Variants in CHST9 observed in about 807,000 individuals in gnomAD.
CHST9 encodes the protein carbohydrate sulfotransferase 9, also known as GalNAc-4-sulfotransferase 2.
Under a neutral mutation model 44.4 loss-of-function variants are expected in CHST9, and 41 were observed. The observed-to-expected ratio is 0.92, with a 90% CI of 0.72 to 1.20. The LOEUF (loss-of-function observed/expected upper bound fraction) is 1.20. Among genes scored for constraint, CHST9 ranks in the 50% most tolerant of loss-of-function variants. The pLI is 0.00. For synonymous variants in CHST9, 171 were observed against 178.4 expected (o/e 0.96, Z 0.33); for missense variants, 504 against 516.5 (o/e 0.98, Z 0.23).
At chr18:27,027,026 A>T (rs1013633510) in intron 3 of CHST9, among the ~76,000 whole-genome samples, 2 of 152,204 alleles carry the variant, frequency 1.3e-5, no homozygotes. Context: ...TAATTTTTTT[A>T]AAAATTAGCA....
At chr18:27,140,191 C>T (rs1417210303) in intron 2 of CHST9, among the ~76,000 whole-genome samples, 2 of 152,180 alleles carry the variant, frequency 1.3e-5, no homozygotes, top group Non-Finnish European at 2.9e-5. Flanking sequence ...CGTAGCAGTA[C>T]AACCTGGGTT....
intron 3 of CHST9, among the ~76,000 whole-genome samples, chr18:27,042,530 C>A (rs1018757287): frequency 1.3e-5 from 2 of 152,070 alleles, no homozygotes; most frequent in Admixed American, 6.6e-5. Flanking sequence ...TATAAGCTGG[C>A]TCCAGCAAGC....
At chr18:27,047,712 A>G (rs7505854) in intron 3 of CHST9, among the ~76,000 whole-genome samples, 58,003 of 151,872 alleles carry the variant, frequency 0.38, 11,780 homozygotes, top group Non-Finnish European at 0.47. Flanking sequence ...TATCACAGGA[A>G]TAGTGGGTTG....
Position 26,917,159 on chromosome 18 carries a change from G to C in CHST9, c.432C>G (p.Asn144Lys). Residue 144 changes from asparagine to lysine, a missense_variant, in exon 6 of 6, where the codon AAC becomes AAG. Physicochemically the swap from Asn to Lys is moderately conservative, Grantham distance 94. Coordinates refer to ENST00000618847, the MANE Select transcript of CHST9 (RefSeq NM_031422.6). ...CTGGCCAATTCATGTTGCTGAACTTGTTAAAAACAGTCTTAGCTCCTTGAC... is the reference window on the plus strand; with the variant it reads ...CTGGCCAATTCATGTTGCTGAACTTCTTAAAAACAGTCTTAGCTCCTTGAC... Reference protein sequence around the residue: ...EKRQGAKTVFNKFSNMNWPVD... With the variant: ...EKRQGAKTVFKKFSNMNWPVD... 1 of 1,613,896 alleles carries C rather than the reference G, an allele frequency of 6.2e-7. No individual in the cohort carries two copies. Among genetic ancestry groups the C allele is most frequent in the Non-Finnish European group, 8.5e-7 (1 of 1,179,862 alleles).
chr18:27,120,223 A>C (rs1203042411), intron 2 of CHST9, among the ~76,000 whole-genome samples: 1 of 152,176 alleles, frequency 6.6e-6, no homozygotes, highest in African/African-American at 2.4e-5. Flanking sequence ...ATTACGAGTA[A>C]ATTTTTGATA....
chr18:27,026,209 G>T (rs779484577), intron 3 of CHST9, among the ~76,000 whole-genome samples: 8 of 152,136 alleles, frequency 5.3e-5, no homozygotes, highest in Non-Finnish European at 1.2e-4. Context: ...TACAATGAGA[G>T]TACACTCAGG....
At chr18:27,145,672 A>C (rs996870508) in intron 1 of CHST9, among the ~76,000 whole-genome samples, 1 of 151,346 alleles carries the variant, frequency 6.6e-6, no homozygotes, top group African/African-American at 2.4e-5. Flanking sequence ...GGTAGTAAAG[A>C]AAGTTTTTAA....
chr18:27,143,459 A>G (rs927985048), intron 1 of CHST9, among the ~76,000 whole-genome samples: 31 of 152,176 alleles, frequency 2.0e-4, no homozygotes, highest in African/African-American at 7.2e-4. Context: ...CCCCTCCCAC[A>G]ATAACATGAA....
chr18:27,100,340 T>C (rs907885453), intron 2 of CHST9, among the ~76,000 whole-genome samples: 1 of 152,164 alleles, frequency 6.6e-6, no homozygotes, highest in African/African-American at 2.4e-5. Context: ...GGATCATTTA[T>C]ACCTCAAACC....
At chr18:26,928,636 G>A (rs1182252670) in intron 5 of CHST9, among the ~76,000 whole-genome samples, 1 of 152,152 alleles carries the variant, frequency 6.6e-6, no homozygotes, top group Non-Finnish European at 1.5e-5. Context: ...AGAATATAGG[G>A]TGGATTATTG....
intron 2 of CHST9, among the ~76,000 whole-genome samples, chr18:27,065,876 T>C (rs2057777070): frequency 6.6e-6 from 1 of 152,202 alleles, no homozygotes. Flanking sequence ...TATAGTGCCA[T>C]GTGAGGGTGG....
intron 2 of CHST9, among the ~76,000 whole-genome samples, chr18:27,090,856 T>G (rs939875875): frequency 7.9e-5 from 12 of 152,152 alleles, no homozygotes; most frequent in Non-Finnish European, 1.2e-4. Context: ...TAGTCTTGTA[T>G]TATAGTTTGA....
At chr18:27,132,822 G>T (rs2058483215) in intron 2 of CHST9, among the ~76,000 whole-genome samples, 1 of 152,168 alleles carries the variant, frequency 6.6e-6, no homozygotes, top group South Asian at 2.1e-4. Flanking sequence ...AATGGATCAA[G>T]GGACCCCAAC....
chr18:27,008,094 C>T (rs1231064855), intron 4 of CHST9, among the ~76,000 whole-genome samples: 3 of 152,138 alleles, frequency 2.0e-5, no homozygotes, highest in Non-Finnish European at 2.9e-5. Flanking sequence ...GGAGGGACGA[C>T]TCACCACTGA....
chr18:27,157,465 C>T (rs1029895702), intron 1 of CHST9, among the ~76,000 whole-genome samples: 5 of 152,158 alleles, frequency 3.3e-5, no homozygotes, highest in South Asian at 2.1e-4. Context: ...TCTTATCTCT[C>T]GTTTCACATT....
intron 4 of CHST9, among the ~76,000 whole-genome samples, chr18:26,952,800 G>T (rs1598589306): frequency 6.6e-6 from 1 of 152,298 alleles, no homozygotes; most frequent in East Asian, 1.9e-4. Flanking sequence ...ATACAGCAGG[G>T]TGCTTGCCCT....
chr18:27,177,015 C>G (rs976180641), intron 1 of CHST9, among the ~76,000 whole-genome samples: 5 of 152,038 alleles, frequency 3.3e-5, no homozygotes, highest in Admixed American at 3.3e-4. Context: ...ACTCCAGCTA[C>G]AAATAACCAG....
intron 2 of CHST9, among the ~76,000 whole-genome samples, chr18:27,135,005 C>T (rs1224490951): frequency 6.6e-6 from 1 of 152,100 alleles, no homozygotes; most frequent in Non-Finnish European, 1.5e-5. Context: ...ATATATTATA[C>T]TGTATATTTT....
chr18:27,161,865 G>A (rs1465826369), intron 1 of CHST9, among the ~76,000 whole-genome samples: 1 of 151,722 alleles, frequency 6.6e-6, no homozygotes, highest in Non-Finnish European at 1.5e-5. Flanking sequence ...TTATGTAATG[G>A]CCTTCTTTGT....
Sources: allele counts gnomAD v4.1 joint callset (sites outside exome capture counted in the v4.1 genomes callset), GRCh38; gene constraint gnomAD v4.1.1; transcripts MANE v1.5; gene names NCBI Gene and HGNC (gene_info 2026-07-23, HGNC 2026-07-21).